MRM3: variants seen among roughly 807,000 people sequenced by gnomAD.
The protein encoded by MRM3 is mitochondrial rRNA methyltransferase 3.
A neutral mutation model predicts 29.4 loss-of-function variants in MRM3; 26 were observed. That is an observed-to-expected ratio of 0.89 (90% CI 0.65 to 1.23). The LOEUF is 1.23. Among genes scored for constraint, MRM3 ranks in the 50% most tolerant of loss-of-function variants. MRM3 has a pLI of 0.00. For missense variants in MRM3, 578 were observed against 540.2 expected (o/e 1.07, Z -0.69); for synonymous variants, 225 against 219.0 (o/e 1.03, Z -0.24).
At chr17:783,723 T>C (rs190661844) in intron 2 of MRM3, among the ~76,000 whole-genome samples, 274 of 152,324 alleles carry the variant, frequency 1.8e-3, no homozygotes, top group African/African-American at 6.2e-3. Context: ...AAATTCAAAA[T>C]GTTACAATTA....
In MRM3 at chr17:787,963, A is replaced by G. The variant is rs1326165701; in HGVS notation, c.560-2A>G. ...AGTAAACCACCTGTTTTGTTTCCTC[A>G]GGGATTTTTGCCAAGCCTGACCATG... On this transcript the variant is annotated splice_acceptor_variant, in intron 2 of 3. Transcript: ENST00000304478. LOFTEE classifies it high-confidence loss of function. The surrounding 1 kb of genome is among the most constrained non-coding windows in gnomAD (Gnocchi z 4.1). 2 of 1,613,380 alleles carry G rather than the reference A, an allele frequency of 1.2e-6. No individual in the cohort carries two copies. The highest frequency in any genetic ancestry group is 1.3e-5 in the African/African-American group (1 of 75,052).
rs1208136671 is a variant in MRM3 at position 791,382 on chromosome 17, CTG to C, written c.728-150_728-149del. On this transcript the variant is annotated intron_variant, in intron 3 of 3. Coordinates refer to ENST00000304478, the MANE Select transcript of MRM3 (RefSeq NM_018146.4). ...ACTCCTATAGTCGCTGTGCTGGATG[CTG>C]TCAGAGAGAGGCAGAAGGTCCCATC... is the stretch of plus-strand genomic sequence containing the variant. The C allele has an allele frequency of 1.2e-5, 9 of 735,422 alleles. No homozygotes were observed. In the African/African-American group the frequency reaches 1.6e-4, roughly 13 times the overall value. The allele number at this position is 735,422 out of a possible 1,614,324, so 45.6% of individuals were successfully genotyped here.
chr17:787,798 C>T lies in MRM3; in HGVS notation c.560-167C>T, dbSNP rs545069821. Among the ~76,000 whole-genome samples, 2 of 152,350 alleles carry T rather than the reference C, an allele frequency of 1.3e-5. No homozygotes were observed. Among genetic ancestry groups the T allele is most frequent in the Middle Eastern group, 3.4e-3 (1 of 294 alleles). On this transcript the variant is annotated intron_variant, in intron 2 of 3. Transcript: ENST00000304478. The surrounding 1 kb of genome is among the most constrained non-coding windows in gnomAD (Gnocchi z 4.1). ...TCCTGACCTCAGGTGATCCACCCGC[C>T]TTGGCCTCCCGAAGTGTTGGGATTA...
rs182531511 is a variant in MRM3, at chr17:787,545, T to A, written c.560-420T>A. On this transcript the variant is annotated intron_variant, in intron 2 of 3. Transcript: ENST00000304478. This position sits in a 1 kb window ranked among gnomAD's most constrained non-coding sequence, Gnocchi z 4.1. ...CCAATCAGAATGTATTCGTGGTTTTTTTTTTCCTTTTTTTTCTTTTTGAGA... is the reference window on the plus strand; with the variant it reads ...CCAATCAGAATGTATTCGTGGTTTTATTTTTCCTTTTTTTTCTTTTTGAGA... 6.6e-6 allele frequency among the ~76,000 whole-genome samples: 1 copy of A among 152,078 alleles called. No individual in the cohort carries two copies. The highest frequency in any genetic ancestry group is 1.5e-5 in the Non-Finnish European group (1 of 68,010).
intron 1 of MRM3, 73 bp from the exon 2 acceptor site, chr17:783,010 G>T: frequency 6.5e-7 from 1 of 1,531,940 alleles, no homozygotes; most frequent in Non-Finnish European, 8.7e-7. Flanking sequence ...CTTTATTTCT[G>T]TTACAACTAA....
chr17:788,192 C>A, intron 3 of MRM3, 60 bp downstream of exon 3: 1 of 1,569,312 alleles, frequency 6.4e-7, no homozygotes, highest in South Asian at 1.1e-5. Context: ...CTTTGGGAGG[C>A]CGAGGCAGGA....
At chr17:783,877 T>G (rs1423816624) in intron 2 of MRM3, among the ~76,000 whole-genome samples, 2 of 152,240 alleles carry the variant, frequency 1.3e-5, no homozygotes, top group Non-Finnish European at 2.9e-5. Context: ...TTTAGATTAC[T>G]TCTTCAACTT....
At chr17:784,952 A>C (rs1474380811) in intron 2 of MRM3, among the ~76,000 whole-genome samples, 1 of 152,228 alleles carries the variant, frequency 6.6e-6, no homozygotes, top group Non-Finnish European at 1.5e-5. Context: ...ATCTTTTAGA[A>C]AGAATCCTAA....
chr17:783,364 T>A, intron 2 of MRM3, 37 bp downstream of exon 2: 1 of 1,374,142 alleles, frequency 7.3e-7, no homozygotes, highest in Non-Finnish European at 9.9e-7. Flanking sequence ...TTTTTTTTTG[T>A]CTTGTTCTGT....
At chr17:786,422 C>T (rs181599367) in intron 2 of MRM3, among the ~76,000 whole-genome samples, 5 of 152,056 alleles carry the variant, frequency 3.3e-5, no homozygotes, top group Non-Finnish European at 5.9e-5. Context: ...TACAGGCGCC[C>T]GTCACCACGC....
chr17:788,170 C>A (rs767228596), intron 3 of MRM3, 38 bp downstream of exon 3: 2 of 1,606,370 alleles, frequency 1.2e-6, no homozygotes, highest in Non-Finnish European at 1.7e-6. Context: ...GGCTCACACT[C>A]GTAATCCAGC....
Position 791,899 on chromosome 17 carries a change from G to C in MRM3, c.1093G>C (p.Glu365Gln). The C allele has an allele frequency of 6.2e-7, 1 of 1,613,934 alleles. No homozygotes were observed. The highest frequency in any genetic ancestry group is 8.5e-7 in the Non-Finnish European group (1 of 1,180,026). The change falls in exon 4 of 4, where the codon GAG becomes CAG. Residue 365 changes from glutamate to glutamine, a missense_variant. Physicochemically the swap from Glu to Gln is conservative, Grantham distance 29 (BLOSUM62 2). Transcript: ENST00000304478. ...CGGGGAGACCTACGGCGTGAGCCTG[G>C]AGTCCCTGCAGCTGGCCGAGAGCAC... ...IGGETYGVSL[E>Q]SLQLAESTGG... is the part of the protein sequence containing the mutation.
Position 788,111 on chromosome 17 carries a change from A to C in MRM3, c.706A>C (p.Ser236Arg). The change falls in exon 3 of 4, where the codon AGC (serine) becomes CGC (arginine). Residue 236 changes from serine to arginine, a missense_variant. By Grantham distance (110) the Ser-to-Arg change is moderately radical. Transcript: ENST00000304478. The part of the protein sequence containing the change: ...ILRSAAGAGC[S>R]KVLLTKGCVD... ...GAGATCTGCAGCTGGGGCAGGCTGCAGCAAAGTGTTACTCACCAAAGGTAA... is the reference window on the plus strand; with the variant it reads ...GAGATCTGCAGCTGGGGCAGGCTGCCGCAAAGTGTTACTCACCAAAGGTAA... 1 of 1,614,202 alleles carries C rather than the reference A, an allele frequency of 6.2e-7. No individual in the cohort carries two copies. The highest frequency in any genetic ancestry group is 8.5e-7 in the Non-Finnish European group (1 of 1,180,026).
chr17:784,208 T>C (rs1219524446), intron 2 of MRM3, among the ~76,000 whole-genome samples: 1 of 152,218 alleles, frequency 6.6e-6, no homozygotes, highest in Non-Finnish European at 1.5e-5. Flanking sequence ...TTTTAAGATA[T>C]GAAAACTGAA....
Position 787,245 on chromosome 17 carries a change from C to G in MRM3, c.560-720C>G, listed in dbSNP as rs1162916309. 6.6e-6 allele frequency among the ~76,000 whole-genome samples: 1 copy of G among 151,520 alleles called. No homozygotes were observed. The highest frequency in any genetic ancestry group is 1.5e-5 in the Non-Finnish European group (1 of 67,938). On this transcript the variant is annotated intron_variant, in intron 2 of 3. Coordinates refer to ENST00000304478, the MANE Select transcript of MRM3 (RefSeq NM_018146.4). The surrounding 1 kb of genome is among the most constrained non-coding windows in gnomAD (Gnocchi z 4.1). ...TGGGCAACAGAGTGAGAGAGTGGGA[C>G]TCTGTCTCAAAAAAAAATAGCCTAC...
intron 3 of MRM3, among the ~76,000 whole-genome samples, chr17:791,121 T>C (rs1340712214): frequency 6.6e-6 from 1 of 152,144 alleles, no homozygotes; most frequent in Non-Finnish European, 1.5e-5. Flanking sequence ...TGGTGGTCTT[T>C]TAGATGGTTT....
chr17:783,409 C>T, intron 2 of MRM3, 82 bp downstream of exon 2: 2 of 1,357,614 alleles, frequency 1.5e-6, no homozygotes. Context: ...CGATCTCGGC[C>T]CACTGCAACC....
chr17:787,692 G>A lies in MRM3; in HGVS notation c.560-273G>A, dbSNP rs1270353268. 6.6e-6 allele frequency among the ~76,000 whole-genome samples: 1 copy of A among 152,194 alleles called. No homozygotes were observed. Among genetic ancestry groups the A allele is most frequent in the Non-Finnish European group, 1.5e-5 (1 of 68,048 alleles). On this transcript the variant is annotated intron_variant, in intron 2 of 3. Transcript: ENST00000304478. This position sits in a 1 kb window ranked among gnomAD's most constrained non-coding sequence, Gnocchi z 4.1. ...GCCTCCCAGGTAGCTGGGACTAGAGGCATGCGCCACCACGCCTGGCTAATC... is the reference window on the plus strand; with the variant it reads ...GCCTCCCAGGTAGCTGGGACTAGAGACATGCGCCACCACGCCTGGCTAATC...
In MRM3 at chr17:791,772, G is replaced by C. The variant is rs777420983; in HGVS notation, c.966G>C (p.Glu322Asp). 3 of 1,614,236 alleles carry C rather than the reference G, an allele frequency of 1.9e-6. No individual in the cohort carries two copies. The South Asian group carries it at 3.3e-5, about 18-fold the overall frequency. ...RVMKFHKYEE[E>D]EDVETGASQD... is the part of the protein sequence containing the mutation. ...TGAAGTTTCACAAGTATGAGGAAGA[G>C]GAAGATGTAGAAACCGGAGCCAGTC... Residue 322 changes from glutamate (E) to aspartate (D), a missense_variant, in exon 4 of 4, where the codon GAG becomes GAC. By Grantham distance (45) the Glu-to-Asp change is conservative. Transcript: ENST00000304478.
Sources: gnomAD v4.1 joint callset for allele counts (sites outside exome capture counted in the v4.1 genomes callset) on GRCh38, gnomAD v4.1.1 for gene constraint, Gnocchi (gnomAD v3.1) non-coding constraint, MANE v1.5 for transcripts, NCBI Gene and HGNC (gene_info 2026-07-23, HGNC 2026-07-21) for gene names.